The following ENTREP2 variants were observed in gnomAD, a reference collection of about 807,000 sequenced individuals.
ENTREP2 encodes the protein protein ENTREP2.
At chr15:29,532,616 T>C in the ENTREP2 span, among the ~76,000 whole-genome samples, 2 of 152,156 alleles carry the variant, frequency 1.3e-5, no homozygotes, top group African/African-American at 2.4e-5. Context: ...AAAATCTCAC[T>C]TTGATAAATG....
chr15:29,172,582 G>A, the ENTREP2 span, among the ~76,000 whole-genome samples: 1 of 152,200 alleles, frequency 6.6e-6, no homozygotes, highest in East Asian at 1.9e-4. Context: ...GAGGCCTGGG[G>A]GAGAAGGGAG....
chr15:29,251,726 T>C, the ENTREP2 span, among the ~76,000 whole-genome samples: 4 of 149,106 alleles, frequency 2.7e-5, no homozygotes, highest in South Asian at 8.5e-4. Flanking sequence ...CTTAAAACAT[T>C]ATGAGTTTTT....
chr15:29,127,949 G>C, the ENTREP2 span, among the ~76,000 whole-genome samples: 8 of 152,206 alleles, frequency 5.3e-5, no homozygotes, highest in Admixed American at 5.2e-4. Context: ...ACCAAAGGAA[G>C]GAAAAGATTG....
chr15:29,452,998 C>G, the ENTREP2 span, among the ~76,000 whole-genome samples: 1 of 152,120 alleles, frequency 6.6e-6, no homozygotes, highest in Non-Finnish European at 1.5e-5. Flanking sequence ...GGAGGCAGAG[C>G]CAAGTAACGA....
At chr15:29,241,332 T>C in the ENTREP2 span, among the ~76,000 whole-genome samples, 1 of 152,120 alleles carries the variant, frequency 6.6e-6, no homozygotes, top group Non-Finnish European at 1.5e-5. Flanking sequence ...GGGAAAACAT[T>C]GCAGACAAAT....
chr15:29,285,128 A>G, the ENTREP2 span, among the ~76,000 whole-genome samples: 2 of 152,142 alleles, frequency 1.3e-5, no homozygotes, highest in Non-Finnish European at 2.9e-5. Flanking sequence ...CGTTTTCTCA[A>G]TTTCAAATCC....
the ENTREP2 span, among the ~76,000 whole-genome samples, chr15:29,522,295 AT>A: frequency 2.0e-5 from 3 of 152,246 alleles, no homozygotes; most frequent in Non-Finnish European, 4.4e-5. Context: ...GGGAATGAAA[AT>A]ACAAGACACA....
chr15:29,288,024 A>C, the ENTREP2 span, among the ~76,000 whole-genome samples: 37 of 152,368 alleles, frequency 2.4e-4, 3 homozygotes, highest in East Asian at 3.5e-3. Flanking sequence ...TAAATAGCCC[A>C]GGATCAATTG....
chr15:29,583,339 G>A, the ENTREP2 span, among the ~76,000 whole-genome samples: 2 of 152,160 alleles, frequency 1.3e-5, no homozygotes, highest in African/African-American at 4.8e-5. Context: ...GTTCTTTGCA[G>A]CGACATGGAT....
At chr15:29,376,939 C>A in the ENTREP2 span, 1 of 152,300 alleles carries the variant, frequency 6.6e-6, no homozygotes, top group South Asian at 2.1e-4. Context: ...GCTGCAAAGA[C>A]CTTGGAGCTG....
At chr15:29,273,511 A>G in the ENTREP2 span, among the ~76,000 whole-genome samples, 1 of 152,220 alleles carries the variant, frequency 6.6e-6, no homozygotes, top group South Asian at 2.1e-4. Flanking sequence ...ATTAAATTTT[A>G]TCATAGGTTC....
At chr15:29,548,035 G>T in the ENTREP2 span, among the ~76,000 whole-genome samples, 2 of 152,104 alleles carry the variant, frequency 1.3e-5, no homozygotes, top group Non-Finnish European at 2.9e-5. Context: ...CAAATTCATA[G>T]AAACAGAAAG....
At chr15:29,523,114 C>T in the ENTREP2 span, among the ~76,000 whole-genome samples, 1 of 152,162 alleles carries the variant, frequency 6.6e-6, no homozygotes, top group African/African-American at 2.4e-5. Context: ...TTTGCACAAG[C>T]AGGAAGGGAA....
chr15:29,506,859 A>G, the ENTREP2 span, among the ~76,000 whole-genome samples: 1 of 152,222 alleles, frequency 6.6e-6, no homozygotes, highest in South Asian at 2.1e-4. Context: ...AATGGGCAAA[A>G]TAACCAGCTA....
At chr15:29,640,557 G>A in the ENTREP2 span, among the ~76,000 whole-genome samples, 4 of 152,052 alleles carry the variant, frequency 2.6e-5, no homozygotes, top group Non-Finnish European at 5.9e-5. Context: ...AGCTACTCTG[G>A]GAGATGGAGG....
At chr15:29,584,443 A>ATATG in the ENTREP2 span, among the ~76,000 whole-genome samples, 60 of 138,820 alleles carry the variant, frequency 4.3e-4, no homozygotes, top group East Asian at 2.2e-3. Context: ...GTGTGTGTGC[A>ATATG]TGTGTGTGTG....
chr15:29,555,891 A>AT, the ENTREP2 span, among the ~76,000 whole-genome samples: 1 of 152,076 alleles, frequency 6.6e-6, no homozygotes, highest in East Asian at 1.9e-4. Context: ...CTGTGCCCAC[A>AT]CCCCTGTCAA....
the ENTREP2 span, among the ~76,000 whole-genome samples, chr15:29,527,264 C>A: frequency 6.6e-6 from 1 of 152,142 alleles, no homozygotes; most frequent in African/African-American, 2.4e-5. Flanking sequence ...TCGGCCCAAC[C>A]TTTGCTGGGT....
the ENTREP2 span, among the ~76,000 whole-genome samples, chr15:29,541,241 G>A: frequency 4.5e-3 from 683 of 152,212 alleles, 3 homozygotes; most frequent in African/African-American, 0.015. Context: ...CAACTGACCC[G>A]GAGCACACTG....
Sources: allele counts gnomAD v4.1 joint callset (sites outside exome capture counted in the v4.1 genomes callset), GRCh38; gene constraint gnomAD v4.1.1; transcripts MANE v1.5; gene names NCBI Gene and HGNC (gene_info 2026-07-23, HGNC 2026-07-21).